PADI6: variants seen among roughly 807,000 people sequenced by gnomAD.
PADI6 encodes peptidyl arginine deiminase 6.
PADI6 carries 66 observed loss-of-function variants against 78.2 expected under a neutral mutation model. The ratio of observed to expected loss-of-function variants is 0.84; its 90% CI spans 0.69 to 1.04. PADI6 has a LOEUF of 1.04. PADI6 is among the 50% of genes least tolerant of loss of function. PADI6 has a pLI of 0.00. For synonymous variants in PADI6, 397 were observed against 346.9 expected (o/e 1.14, Z -1.60); for missense variants, 854 against 866.1 (o/e 0.99, Z 0.18).
At chr1:17,379,270 C>T (rs567381831) in intron 3 of PADI6, among the ~76,000 whole-genome samples, 10 of 149,428 alleles carry the variant, frequency 6.7e-5, no homozygotes, top group South Asian at 4.2e-4. Context: ...CCCGCCACCT[C>T]GCCCGGCTAA....
Position 17,400,624 on chromosome 1 carries a change from C to T in PADI6, c.1852-581C>T, listed in dbSNP as rs966744962. On this transcript the variant is annotated intron_variant, in intron 15 of 15. Coordinates refer to ENST00000619609, the MANE Select transcript of PADI6 (RefSeq NM_207421.4). ...GGTCCTGGCTTCACCAAGCCTATGC[C>T]GACTGTGGCTCACATCTGAACTTTC... 1.5e-4 allele frequency among the ~76,000 whole-genome samples: 23 copies of T among 152,140 alleles called. 1 individual carries two copies. The highest frequency in any genetic ancestry group is 3.8e-4 in the East Asian group (2 of 5,198).
At chr1:17,383,737 G>A (rs553747936) in intron 6 of PADI6, among the ~76,000 whole-genome samples, 2 of 152,022 alleles carry the variant, frequency 1.3e-5, no homozygotes, top group East Asian at 1.9e-4. Flanking sequence ...CTACTCAGGA[G>A]GCTGAGGCAG....
chr1:17,373,279 C>T (rs777455864), intron 2 of PADI6, 46 bp downstream of exon 2: 2 of 1,593,040 alleles, frequency 1.3e-6, no homozygotes, highest in South Asian at 1.1e-5. Flanking sequence ...GGGGTGGGAC[C>T]TAGCACAGCC....
At chr1:17,388,216 A>G (rs968550217) in intron 6 of PADI6, among the ~76,000 whole-genome samples, 165 bp from the exon 7 acceptor site, 1 of 152,206 alleles carries the variant, frequency 6.6e-6, no homozygotes, top group African/African-American at 2.4e-5. Context: ...TTGTCTACCA[A>G]GACCTGAATG....
intron 2 of PADI6, among the ~76,000 whole-genome samples, chr1:17,373,644 A>T (rs2074986310): frequency 6.6e-6 from 1 of 151,896 alleles, no homozygotes. Context: ...GGCACCCACC[A>T]CCATGCCCGG....
intron 15 of PADI6, among the ~76,000 whole-genome samples, chr1:17,399,511 C>T (rs1402545095): frequency 6.6e-6 from 1 of 152,042 alleles, no homozygotes; most frequent in African/African-American, 2.4e-5. Context: ...AGGAGAATTG[C>T]TTGAACCCCG....
chr1:17,393,928 G>T, intron 9 of PADI6, 47 bp from the exon 10 acceptor site: 1 of 1,544,610 alleles, frequency 6.5e-7, no homozygotes. Flanking sequence ...AATGGGGTCC[G>T]GGGAGATGTG....
rs755612666 is a variant in PADI6, at chr1:17,375,560, T to TGG, written c.367+63_367+64dup. The TGG allele has an allele frequency of 1.3e-4, 198 of 1,472,780 alleles. 1 individual carries two copies. Among genetic ancestry groups the TGG allele is most frequent in the Non-Finnish European group, 1.7e-4 (188 of 1,079,134 alleles). The allele number at this position is 1,472,780 out of a possible 1,614,324, so 91.2% of individuals were successfully genotyped here. A position where few individuals can be genotyped will look rare whatever the true frequency, so the allele number is the denominator to read the frequency against. On this transcript the variant is annotated intron_variant, in intron 3 of 15. Coordinates refer to ENST00000619609, the MANE Select transcript of PADI6 (RefSeq NM_207421.4). The stretch of plus-strand genomic sequence containing the variant: ...CTCACCGCTGGGGTTGGGGAAGGGG[T>TGG]GGGATTGTAGGAGGAGCCAAAAAAG...
chr1:17,372,875 C>T (rs1324977882), intron 1 of PADI6, among the ~76,000 whole-genome samples, 181 bp from the exon 2 acceptor site: 4 of 145,998 alleles, frequency 2.7e-5, no homozygotes, highest in African/African-American at 5.1e-5. Context: ...TGGAGCCCGT[C>T]GGAGAGCAAA....
intron 14 of PADI6, among the ~76,000 whole-genome samples, chr1:17,397,421 A>T (rs1462354048): frequency 6.6e-6 from 1 of 152,176 alleles, no homozygotes; most frequent in East Asian, 1.9e-4. Context: ...TGGGTAACAC[A>T]GCTTTCTATG....
rs1371295583 is a variant in PADI6 at position 17,397,067 on chromosome 1, A to G, written c.1619-4A>G. On this transcript the variant is annotated splice_region_variant and splice_polypyrimidine_tract_variant and intron_variant, in intron 13 of 15. Transcript: ENST00000619609. The stretch of plus-strand genomic sequence containing the variant: ...GCAGGCCTGCTGCCCGCTTCTTCCT[A>G]CAGGAAGGGAAGCCAAAACCATCGA... 6 of 1,613,382 alleles carry G rather than the reference A, an allele frequency of 3.7e-6. No individual in the cohort carries two copies. The highest frequency in any genetic ancestry group is 5.1e-6 in the Non-Finnish European group (6 of 1,179,646).
At chr1:17,386,787 G>A (rs899566751) in intron 6 of PADI6, among the ~76,000 whole-genome samples, 5 of 152,304 alleles carry the variant, frequency 3.3e-5, no homozygotes, top group East Asian at 1.9e-4. Flanking sequence ...AGAGTCCATC[G>A]GGAGGGCTGC....
intron 13 of PADI6, among the ~76,000 whole-genome samples, chr1:17,396,766 G>A (rs1027748731): frequency 1.3e-5 from 2 of 152,238 alleles, no homozygotes; most frequent in Admixed American, 6.5e-5. Context: ...AGTAGGGGCT[G>A]AAGTCATCCT....
At chr1:17,380,591 G>C (rs1219686288) in intron 4 of PADI6, among the ~76,000 whole-genome samples, 1 of 152,180 alleles carries the variant, frequency 6.6e-6, no homozygotes, top group South Asian at 2.1e-4. Context: ...GGATGGTCTC[G>C]AAATCCTGAT....
rs575009851 is a variant in PADI6, at chr1:17,393,563, G to A, written c.1075-412G>A. Among the ~76,000 whole-genome samples, 140 of 152,264 alleles carry A rather than the reference G, an allele frequency of 9.2e-4. 1 individual carries two copies. Among genetic ancestry groups the A allele is most frequent in the African/African-American group, 3.1e-3 (128 of 41,564 alleles). Reference sequence around the variant, plus strand: ...TTCGCCCAGACTGGAGTGCAGTGGCGCGATCTCAGCTCCACTGCAGCCTCT... The same window carrying A: ...TTCGCCCAGACTGGAGTGCAGTGGCACGATCTCAGCTCCACTGCAGCCTCT... On this transcript the variant is annotated intron_variant, in intron 9 of 15. Transcript: ENST00000619609.
At chr1:17,389,210 G>A (rs1437760623) in intron 8 of PADI6, among the ~76,000 whole-genome samples, 1 of 152,208 alleles carries the variant, frequency 6.6e-6, no homozygotes, top group Non-Finnish European at 1.5e-5. Flanking sequence ...AGCTCCTACG[G>A]AGCCAGAGAA....
Position 17,401,355 on chromosome 1 carries a change from C to T in PADI6, c.2002C>T (p.Leu668=), listed in dbSNP as rs1456488558. 6.2e-7 allele frequency: 1 copy of T among 1,613,970 alleles called. No homozygotes were observed. The change falls in exon 16 of 16, where the codon CTG becomes TTG. Residue 668 remains leucine, a synonymous_variant. Transcript: ENST00000619609. ...CTTCATCAATGACTTTGACTGTTAC[C>T]TGACAGAGGTCGGAGACATCTGTGC... ...CTFINDFDCY[L]TEVGDICACA...
At chr1:17,390,811 T>C (rs1557605087) in intron 8 of PADI6, among the ~76,000 whole-genome samples, 1 of 152,134 alleles carries the variant, frequency 6.6e-6, no homozygotes, top group African/African-American at 2.4e-5. Flanking sequence ...TCTCGAGTAT[T>C]TGAAGACGGG....
intron 3 of PADI6, among the ~76,000 whole-genome samples, chr1:17,379,441 G>C (rs2075051633): frequency 6.6e-6 from 1 of 152,098 alleles, no homozygotes; most frequent in African/African-American, 2.4e-5. Context: ...ATCTTTAGTA[G>C]AGATGCGATT....
Sources: gnomAD v4.1 joint callset for allele counts (sites outside exome capture counted in the v4.1 genomes callset) on GRCh38, gnomAD v4.1.1 for gene constraint, MANE v1.5 for transcripts, NCBI Gene and HGNC (gene_info 2026-07-23, HGNC 2026-07-21) for gene names.